Variants in GRID2 observed in about 807,000 individuals in gnomAD.
GRID2 encodes glutamate ionotropic receptor delta type subunit 2, also known as glutamate receptor ionotropic, delta-2.
In GRID2, 33 loss-of-function variants were observed where a neutral mutation model predicts 114.8. The ratio of observed to expected loss-of-function variants is 0.29; its 90% confidence interval spans 0.22 to 0.38. The LOEUF (loss-of-function observed/expected upper bound fraction) is 0.38. Among genes scored for constraint, GRID2 ranks in the 10% least tolerant of loss-of-function variants. The pLI, the probability that GRID2 is intolerant of heterozygous loss-of-function variation, is 1.00. For missense variants in GRID2, 1,184 were observed against 1,257.7 expected (o/e 0.94, Z 0.89); for synonymous variants, 505 against 449.9 (o/e 1.12, Z -1.55).
chr4:93,157,207 C>T (rs1737268289), intron 4 of GRID2, among the ~76,000 whole-genome samples: 1 of 151,654 alleles, frequency 6.6e-6, no homozygotes, highest in South Asian at 2.1e-4. Context: ...CTGCTTCATA[C>T]TCAGGGATGC....
chr4:93,150,667 G>A (rs1329886926), intron 4 of GRID2, among the ~76,000 whole-genome samples: 1 of 151,748 alleles, frequency 6.6e-6, no homozygotes, highest in Non-Finnish European at 1.5e-5. Context: ...ATTTTTCTTA[G>A]TGTCTGTGTC....
chr4:92,344,276 T>C (rs1156996229), intron 1 of GRID2, among the ~76,000 whole-genome samples: 2 of 152,170 alleles, frequency 1.3e-5, no homozygotes, highest in Admixed American at 1.3e-4. Flanking sequence ...TCAATAGAAA[T>C]GTGTTATTTG....
In GRID2 at chr4:93,136,232, TTGTGTGTGTGTGTG is replaced by T. The variant is rs3970984; in HGVS notation, c.735+25313_735+25326del. Among the ~76,000 whole-genome samples, 91 of 142,360 alleles carry T rather than the reference TTGTGTGTGTGTGTG, an allele frequency of 6.4e-4. 1 individual carries two copies. Among genetic ancestry groups the T allele is most frequent in the Middle Eastern group, 7.1e-3 (2 of 280 alleles). 93.4% of individuals were successfully genotyped at this position (142,360 alleles called of 152,430 possible). A position where few individuals can be genotyped will look rare whatever the true frequency, so the allele number is the denominator to read the frequency against. On this transcript the variant is annotated intron_variant, in intron 4 of 15. Transcript: ENST00000282020. ...CCTGTGTTAAAAATTCCAACAGTTA[TTGTGTGTGTGTGTG>T]TGTGTGTGTGTGTGTGTGTGTGTGT...
At chr4:92,357,551 G>C (rs979068837) in intron 1 of GRID2, among the ~76,000 whole-genome samples, 2 of 151,632 alleles carry the variant, frequency 1.3e-5, no homozygotes, top group African/African-American at 2.4e-5. Context: ...TGATCATTTA[G>C]TATCAATGAT....
intron 8 of GRID2, among the ~76,000 whole-genome samples, chr4:93,358,793 C>A (rs1029168347): frequency 2.0e-4 from 31 of 151,968 alleles, no homozygotes; most frequent in Non-Finnish European, 2.9e-5. Context: ...AAAAGTAATA[C>A]TGAATTAAGT....
At chr4:92,310,602 T>C (rs1725647923) in intron 1 of GRID2, among the ~76,000 whole-genome samples, 1 of 151,920 alleles carries the variant, frequency 6.6e-6, no homozygotes, top group African/African-American at 2.4e-5. Flanking sequence ...TGTTAAGGTA[T>C]AATAAAAAAA....
chr4:92,304,613 AT>A lies in GRID2; in HGVS notation c.-42del. On this transcript the variant is annotated 5_prime_UTR_variant, in exon 1 of 16. It adds an upstream start codon to the 5' untranslated region. Coordinates refer to ENST00000282020, the MANE Select transcript of GRID2 (RefSeq NM_001510.4). ...CTTTGGACTGTTTGAAAAAAAAAAA[AT>A]TGGAAGAAAATCCATCCTCCAAGAG... The A allele has an allele frequency of 1.4e-6, 2 of 1,394,670 alleles. No individual in the cohort carries two copies. Among genetic ancestry groups the A allele is most frequent in the Non-Finnish European group, 2.0e-6 (2 of 981,100 alleles). 86.4% of individuals were successfully genotyped at this position (1,394,670 alleles called of 1,614,324 possible).
At chr4:93,057,472 G>A (rs1173148076) in intron 2 of GRID2, among the ~76,000 whole-genome samples, 1 of 151,804 alleles carries the variant, frequency 6.6e-6, no homozygotes, top group African/African-American at 2.4e-5. Flanking sequence ...AATGGCTGCA[G>A]CAGCATCATA....
chr4:92,352,263 T>C (rs1728105835), intron 1 of GRID2, among the ~76,000 whole-genome samples: 1 of 151,860 alleles, frequency 6.6e-6, no homozygotes, highest in South Asian at 2.1e-4. Context: ...ATTTTTTTCA[T>C]TTACCTGTTG....
At chr4:92,436,983 G>T (rs1325417549) in intron 1 of GRID2, among the ~76,000 whole-genome samples, 1 of 152,190 alleles carries the variant, frequency 6.6e-6, no homozygotes, top group East Asian at 1.9e-4. Context: ...TTTAGCTGTA[G>T]ATTTGGCTAT....
chr4:92,565,151 C>T (rs1216020464), intron 1 of GRID2, among the ~76,000 whole-genome samples: 1 of 151,870 alleles, frequency 6.6e-6, no homozygotes, highest in East Asian at 1.9e-4. Context: ...TCTTTAAATG[C>T]TTGTTATGTT....
intron 14 of GRID2, among the ~76,000 whole-genome samples, chr4:93,646,065 T>C (rs6857089): frequency 0.12 from 18,600 of 152,198 alleles, 1,190 homozygotes; most frequent in Middle Eastern, 0.14. Flanking sequence ...TGCTTGAAAC[T>C]CTTTGATTTA....
At chr4:93,768,556 G>C (rs1733859724) in intron 14 of GRID2, among the ~76,000 whole-genome samples, 1 of 152,152 alleles carries the variant, frequency 6.6e-6, no homozygotes, top group African/African-American at 2.4e-5. Flanking sequence ...TTTTCTTCTT[G>C]TTTTCCAAGG....
At chr4:92,942,214 G>T (rs534565271) in intron 2 of GRID2, among the ~76,000 whole-genome samples, 1 of 152,232 alleles carries the variant, frequency 6.6e-6, no homozygotes, top group African/African-American at 2.4e-5. Context: ...AAGTCTCTTT[G>T]TAGGTCACTA....
At chr4:92,477,378 A>T (rs1224459404) in intron 1 of GRID2, among the ~76,000 whole-genome samples, 1 of 152,050 alleles carries the variant, frequency 6.6e-6, no homozygotes, top group Non-Finnish European at 1.5e-5. Context: ...CACATCTTTG[A>T]AGTTTATAGA....
chr4:92,894,218 A>T (rs1325789832), intron 2 of GRID2, among the ~76,000 whole-genome samples: 1 of 152,190 alleles, frequency 6.6e-6, no homozygotes, highest in Non-Finnish European at 1.5e-5. Flanking sequence ...TAGTGTTCAT[A>T]TAAATCTAGA....
intron 2 of GRID2, among the ~76,000 whole-genome samples, chr4:92,633,987 TTC>T (rs1560501308): frequency 6.6e-6 from 1 of 152,006 alleles, no homozygotes; most frequent in East Asian, 1.9e-4. Context: ...TTTACCTCTC[TTC>T]TCTCTGTTTT....
At chr4:93,493,255 A>G (rs1241954242) in intron 12 of GRID2, among the ~76,000 whole-genome samples, 2 of 151,870 alleles carry the variant, frequency 1.3e-5, no homozygotes, top group Admixed American at 1.3e-4. Context: ...AAAATAACTG[A>G]TCCTATGCAG....
chr4:92,868,016 T>TTTTCTTTCTTTCTTTCTTTCTTTC (rs57222462), intron 2 of GRID2, among the ~76,000 whole-genome samples: 1 of 132,766 alleles, frequency 7.5e-6, no homozygotes, highest in Non-Finnish European at 1.6e-5. Flanking sequence ...TACTGAAAGG[T>TTTTCTTTCTTTCTTTCTTTCTTTC]TTTCTTTCTT....
Sources: allele counts gnomAD v4.1 joint callset (sites outside exome capture counted in the v4.1 genomes callset), GRCh38; gene constraint gnomAD v4.1.1; transcripts MANE v1.5; gene names NCBI Gene and HGNC (gene_info 2026-07-23, HGNC 2026-07-21).